Variants in ARHGAP36 observed in about 807,000 individuals in gnomAD.
ARHGAP36 encodes Rho GTPase activating protein 36.
Under a neutral mutation model 32.9 loss-of-function variants are expected in ARHGAP36, and 7 were observed. The ratio of observed to expected loss-of-function variants is 0.21; its 90% confidence interval spans 0.12 to 0.40. ARHGAP36 has a LOEUF of 0.40. Ranked by LOEUF, ARHGAP36 falls within the 10% of genes least tolerant of loss-of-function variation. The pLI is 1.00. For missense variants in ARHGAP36, 383 were observed against 442.2 expected, an observed-to-expected ratio of 0.87 and a Z score of 1.20; for synonymous variants, 165 against 168.3, an observed-to-expected ratio of 0.98 and a Z score of 0.15.
At chrX:131,070,724 G>A (rs2079729372) in intron 1 of ARHGAP36, among the ~76,000 whole-genome samples, 1 of 110,611 alleles carries the variant, frequency 9.0e-6, no homozygotes, top group Non-Finnish European at 1.9e-5. Context: ...CTGAGGCTGA[G>A]TGATATTTTG....
Position 131,085,625 on chromosome X carries a change from G to T in ARHGAP36, c.993G>T (p.Leu331Phe). 1 of 1,211,275 alleles carries T rather than the reference G, an allele frequency of 8.3e-7. No homozygotes were observed. The highest frequency in any genetic ancestry group is 1.1e-6 in the Non-Finnish European group (1 of 895,412). Residue 331 changes from leucine to phenylalanine, a missense_variant, in exon 8 of 12, where the codon TTG becomes TTT. Physicochemically the swap from Leu to Phe is conservative, Grantham distance 22 (BLOSUM62 0). This residue lies in a region of ARHGAP36 where 227 missense variants were observed against 311.3 expected (regional missense o/e 0.73). Transcript: ENST00000276211. ...KPQDQLSALQ[L>F]LVYLMPPCHS... ...AGGATCAGCTTTCTGCCCTGCAGTT[G>T]CTGGTCTACCTGATGCCACCCTGCC...
Position 131,086,398 on chromosome X carries a change from A to T in ARHGAP36, c.1351A>T (p.Ile451Phe). 1 of 1,212,050 alleles carries T rather than the reference A, an allele frequency of 8.3e-7. No homozygotes were observed. The highest frequency in any genetic ancestry group is 1.1e-6 in the Non-Finnish European group (1 of 895,584). The change falls in exon 10 of 12, where the codon ATC becomes TTC. Residue 451 changes from isoleucine to phenylalanine, a missense_variant. Around this residue, in one of 2 missense-constraint regions of ARHGAP36, gnomAD observed 227 missense variants for 311.3 expected, o/e 0.73. Transcript: ENST00000276211. ...GTCCAGCCCGGAAGCACTTGATTTT[A>T]TCAGACGCAGGAACTTGAGGAAGAT... ...WKSSPEALDF[I>F]RRRNLRKIQS...
At chrX:131,088,508 T>C in intron 11 of ARHGAP36, 120 bp from the exon 12 acceptor site, 1 of 665,311 alleles carries the variant, frequency 1.5e-6, no homozygotes, top group Non-Finnish European at 2.2e-6. Flanking sequence ...TAATCATCCC[T>C]GTCCTACCTT....
intron 2 of ARHGAP36, among the ~76,000 whole-genome samples, chrX:131,082,486 G>T (rs2079807576): frequency 8.9e-6 from 1 of 112,778 alleles, no homozygotes; most frequent in Non-Finnish European, 1.9e-5. Context: ...GACGAGGTTC[G>T]AGTGCACCAG....
intron 1 of ARHGAP36, among the ~76,000 whole-genome samples, chrX:131,071,799 ACTCTT>A (rs1182478123): frequency 5.5e-5 from 6 of 108,862 alleles, no homozygotes; most frequent in Non-Finnish European, 9.5e-5. Context: ...TATATTCTTG[ACTCTT>A]CTCTTTCTTC....
At chrX:131,066,124 G>A (rs1425986823) in intron 1 of ARHGAP36, among the ~76,000 whole-genome samples, 1 of 112,284 alleles carries the variant, frequency 8.9e-6, no homozygotes, top group Non-Finnish European at 1.9e-5. Context: ...AGCAGCATGA[G>A]CCCCATTAGG....
At chrX:131,060,970 C>T (rs2079665180) in intron 1 of ARHGAP36, among the ~76,000 whole-genome samples, 2 of 111,695 alleles carry the variant, frequency 1.8e-5, no homozygotes, top group Non-Finnish European at 3.8e-5. Flanking sequence ...GCTATAATTG[C>T]TTTGGTGCCT....
At chrX:131,088,555 C>A in intron 11 of ARHGAP36, 73 bp from the exon 12 acceptor site, 1 of 1,086,243 alleles carries the variant, frequency 9.2e-7, no homozygotes, top group South Asian at 2.0e-5. Flanking sequence ...AAAATTAGGT[C>A]TTAGTGCCTT....
intron 1 of ARHGAP36, among the ~76,000 whole-genome samples, chrX:131,074,358 T>TGA (rs377299553): frequency 0.028 from 1,158 of 41,713 alleles, 13 homozygotes; most frequent in African/African-American, 0.055. Flanking sequence ...TGTGTGTGTG[T>TGA]GAGAGAGAGA....
chrX:131,084,016 T>C, intron 4 of ARHGAP36, 47 bp downstream of exon 4: 1 of 1,164,388 alleles, frequency 8.6e-7, no homozygotes, highest in Non-Finnish European at 1.2e-6. Context: ...TCCTGAGGTA[T>C]GCAGGAATGT....
intron 1 of ARHGAP36, among the ~76,000 whole-genome samples, chrX:131,072,371 G>C (rs1178138497): frequency 8.9e-6 from 1 of 112,360 alleles, no homozygotes; most frequent in African/African-American, 3.2e-5. Flanking sequence ...ACAAAAAGCA[G>C]AAAGAGTGAG....
intron 1 of ARHGAP36, among the ~76,000 whole-genome samples, chrX:131,075,778 C>T (rs750361140): frequency 1.1e-4 from 12 of 110,846 alleles, no homozygotes; most frequent in African/African-American, 3.9e-4. Context: ...TAGACTTTCC[C>T]AGTTCCAGGC....
At chrX:131,079,164 A>G (rs1002314694) in intron 1 of ARHGAP36, among the ~76,000 whole-genome samples, 1 of 111,994 alleles carries the variant, frequency 8.9e-6, no homozygotes, top group Non-Finnish European at 1.9e-5. Context: ...ATTAAGCCAG[A>G]GCTAGGCTGT....
chrX:131,075,609 ATGTGTGTATATATATG>A (rs1258009440), intron 1 of ARHGAP36, among the ~76,000 whole-genome samples: 8 of 62,927 alleles, frequency 1.3e-4, no homozygotes, highest in African/African-American at 5.2e-4. Flanking sequence ...ACGCATATAT[ATGTGTGTATATATATG>A]TGTGTGTGTG....
chrX:131,086,453 C>T (rs966010226), intron 10 of ARHGAP36, 27 bp downstream of exon 10: 9 of 1,205,609 alleles, frequency 7.5e-6, no homozygotes, highest in Non-Finnish European at 1.0e-5. Flanking sequence ...TTTGTTTATG[C>T]TTAGCCTGAA....
rs2079831729 is a variant in ARHGAP36, at chrX:131,085,715, A to T, written c.1083A>T (p.Ser361=). 2 of 1,211,651 alleles carry T rather than the reference A, an allele frequency of 1.7e-6. No individual in the cohort carries two copies. The highest frequency in any genetic ancestry group is 3.5e-5 in the African/African-American group (2 of 57,774). ...LHKITENCED[S]IGIDGQLVPG... is the part of the protein sequence containing the mutation. ...AAATCACTGAGAACTGCGAGGACTC[A>T]ATTGGCATTGATGGACAGTTGGTAA... The change falls in exon 8 of 12, where the codon TCA becomes TCT. Residue 361 remains serine (S), a synonymous_variant. Coordinates refer to ENST00000276211, the MANE Select transcript of ARHGAP36 (RefSeq NM_144967.4).
At chrX:131,082,030 G>C in intron 2 of ARHGAP36, 112 bp downstream of exon 2, 2 of 952,443 alleles carry the variant, frequency 2.1e-6, no homozygotes, top group Non-Finnish European at 2.9e-6. Context: ...GCCTGATCTC[G>C]GACTTGATCA....
intron 1 of ARHGAP36, among the ~76,000 whole-genome samples, chrX:131,079,565 T>TTTTG (rs1463996343): frequency 8.2e-4 from 88 of 107,512 alleles, no homozygotes; most frequent in African/African-American, 2.6e-3. Flanking sequence ...GTTTTTTGTT[T>TTTTG]TTTTTTTTTT....
chrX:131,082,603 C>T (rs2148642048), intron 2 of ARHGAP36, among the ~76,000 whole-genome samples: 1 of 113,477 alleles, frequency 8.8e-6, no homozygotes, highest in Non-Finnish European at 1.9e-5. Flanking sequence ...GGCAGCTTCG[C>T]TAGGCGCGCA....
Sources: allele counts gnomAD v4.1 joint callset (sites outside exome capture counted in the v4.1 genomes callset), GRCh38; gene constraint gnomAD v4.1.1; regional missense constraint gnomAD v4.1.1; transcripts MANE v1.5; gene names NCBI Gene and HGNC (gene_info 2026-07-23, HGNC 2026-07-21).